Variants in CSMD3 observed in about 807,000 individuals in gnomAD.
CSMD3 encodes the protein CUB and Sushi multiple domains 3.
CSMD3 carries 177 observed loss-of-function variants against 435.2 expected under a neutral mutation model. That is an observed-to-expected ratio of 0.41 (90% CI 0.36 to 0.46). CSMD3 has a LOEUF of 0.46. Ranked by LOEUF, CSMD3 falls within the 20% of genes least tolerant of loss-of-function variation. The pLI, the probability that CSMD3 is intolerant of heterozygous loss-of-function variation, is 0.34. For missense variants in CSMD3, 4,265 were observed against 4,504.6 expected, an observed-to-expected ratio of 0.95 and a Z score of 1.52; for synonymous variants, 1,656 against 1,520.5, an observed-to-expected ratio of 1.09 and a Z score of -2.07.
At chr8:113,006,401 G>T (rs1302588810) in intron 6 of CSMD3, among the ~76,000 whole-genome samples, 1 of 152,018 alleles carries the variant, frequency 6.6e-6, no homozygotes, top group African/African-American at 2.4e-5. Flanking sequence ...AGATTGGTGA[G>T]GACCCTTCTA....
intron 3 of CSMD3, among the ~76,000 whole-genome samples, chr8:113,196,162 C>G (rs1268988186): frequency 6.6e-6 from 1 of 150,946 alleles, no homozygotes. Context: ...TATTTGTCTG[C>G]AAATGTTTTT....
intron 21 of CSMD3, 60 bp from the exon 22 acceptor site, chr8:112,637,065 G>T: frequency 7.5e-7 from 1 of 1,331,116 alleles, no homozygotes. Flanking sequence ...AAATGATAGT[G>T]GTTACTTTTA....
At chr8:113,334,908 A>C (rs2132800789) in intron 1 of CSMD3, among the ~76,000 whole-genome samples, 1 of 152,164 alleles carries the variant, frequency 6.6e-6, no homozygotes, top group African/African-American at 2.4e-5. Context: ...CTGTAGTGAT[A>C]TCTCTCCTTT....
At chr8:112,849,789 G>A (rs981608999) in intron 11 of CSMD3, among the ~76,000 whole-genome samples, 74 of 151,950 alleles carry the variant, frequency 4.9e-4, no homozygotes, top group South Asian at 1.2e-3. Flanking sequence ...AGTAAAATAC[G>A]TATTTTAAGT....
intron 32 of CSMD3, among the ~76,000 whole-genome samples, chr8:112,460,605 C>A (rs1817349769): frequency 6.6e-6 from 1 of 151,946 alleles, no homozygotes; most frequent in Non-Finnish European, 1.5e-5. Context: ...ATGTTATCTA[C>A]CATTGAATGA....
chr8:112,851,136 C>T (rs570956786), intron 11 of CSMD3, among the ~76,000 whole-genome samples: 1 of 152,160 alleles, frequency 6.6e-6, no homozygotes, highest in African/African-American at 2.4e-5. Context: ...CTTATAATTA[C>T]ATCAGTGCTC....
At chr8:113,302,222 A>AATATAAT (rs1563672151) in intron 2 of CSMD3, among the ~76,000 whole-genome samples, 2 of 75,222 alleles carry the variant, frequency 2.7e-5, no homozygotes, top group African/African-American at 7.5e-5. Context: ...CTGTATATAT[A>AATATAAT]ATATAATATA....
intron 3 of CSMD3, among the ~76,000 whole-genome samples, chr8:113,250,810 C>T (rs1393386462): frequency 6.6e-6 from 1 of 151,838 alleles, no homozygotes; most frequent in Non-Finnish European, 1.5e-5. Context: ...GGTTAAAAAC[C>T]AATAGAAGAG....
intron 1 of CSMD3, chr8:113,376,611 AT>A: frequency 9.6e-7 from 1 of 1,038,288 alleles, no homozygotes; most frequent in Non-Finnish European, 1.5e-6. Flanking sequence ...TTTAATCCTC[AT>A]CAAAAGAAAG....
At chr8:112,351,621 T>G (rs2131057696) in intron 39 of CSMD3, among the ~76,000 whole-genome samples, 1 of 152,104 alleles carries the variant, frequency 6.6e-6, no homozygotes, top group African/African-American at 2.4e-5. Flanking sequence ...GGTTAAAGAA[T>G]AATTTTAAAA....
At chr8:112,946,882 A>C (rs75767486) in intron 9 of CSMD3, among the ~76,000 whole-genome samples, 393 of 151,814 alleles carry the variant, frequency 2.6e-3, no homozygotes, top group Non-Finnish European at 4.6e-3. Flanking sequence ...AGTCATTCTG[A>C]AAGATCCATG....
intron 65 of CSMD3, among the ~76,000 whole-genome samples, chr8:112,243,800 TA>T (rs1254009794): frequency 6.6e-6 from 1 of 152,036 alleles, no homozygotes; most frequent in African/African-American, 2.4e-5. Context: ...GATCTTGGGA[TA>T]AAACAATCCT....
intron 11 of CSMD3, among the ~76,000 whole-genome samples, chr8:112,844,046 T>C (rs2080251806): frequency 6.6e-6 from 1 of 151,856 alleles, no homozygotes; most frequent in South Asian, 2.1e-4. Context: ...CCACATAAGT[T>C]TTCCAAACTT....
intron 19 of CSMD3, among the ~76,000 whole-genome samples, chr8:112,645,719 C>T (rs912934754): frequency 2.0e-5 from 3 of 151,904 alleles, no homozygotes; most frequent in Non-Finnish European, 2.9e-5. Flanking sequence ...TGAACAAAAA[C>T]GAGTTTTGTA....
intron 38 of CSMD3, among the ~76,000 whole-genome samples, chr8:112,371,987 G>T (rs572499108): frequency 6.6e-6 from 1 of 151,966 alleles, no homozygotes; most frequent in East Asian, 1.9e-4. Context: ...AGTGAACAAG[G>T]TGGAAGAAAG....
intron 1 of CSMD3, among the ~76,000 whole-genome samples, chr8:113,320,416 CAA>C (rs1310627488): frequency 6.6e-6 from 1 of 151,992 alleles, no homozygotes; most frequent in Non-Finnish European, 1.5e-5. Flanking sequence ...TACTATTCAG[CAA>C]GAAATAATGC....
chr8:113,305,023 T>C (rs1450059292), intron 2 of CSMD3, among the ~76,000 whole-genome samples: 352 of 144,374 alleles, frequency 2.4e-3, no homozygotes, highest in African/African-American at 8.3e-3. Context: ...AAATTGGAAA[T>C]CATCATTCTC....
chr8:112,307,105 CAATT>C (rs780901650), intron 50 of CSMD3, among the ~76,000 whole-genome samples: 10 of 150,502 alleles, frequency 6.6e-5, no homozygotes, highest in Non-Finnish European at 1.2e-4. Flanking sequence ...TAGCAATACT[CAATT>C]AAAGTCAGGT....
At chr8:112,257,008 A>C (rs1033065168) in intron 61 of CSMD3, among the ~76,000 whole-genome samples, 2 of 152,176 alleles carry the variant, frequency 1.3e-5, no homozygotes, top group Non-Finnish European at 2.9e-5. Context: ...TTAATGTCCA[A>C]ATAAAACCTT....
Sources: allele counts gnomAD v4.1 joint callset (sites outside exome capture counted in the v4.1 genomes callset), GRCh38; gene constraint gnomAD v4.1.1; transcripts MANE v1.5; gene names NCBI Gene and HGNC (gene_info 2026-07-23, HGNC 2026-07-21).